The following DDX39B variants were observed in gnomAD, a reference collection of about 807,000 sequenced individuals.
The protein encoded by DDX39B is DExD-box helicase 39B.
Under a neutral mutation model 46.4 loss-of-function variants are expected in DDX39B, and 6 were observed. The observed-to-expected ratio is 0.13, with a 90% confidence interval of 0.07 to 0.26. The LOEUF (loss-of-function observed/expected upper bound fraction) is 0.26. Among genes scored for constraint, DDX39B ranks in the 10% least tolerant of loss-of-function variants. The pLI is 1.00. For missense variants in DDX39B, 185 were observed against 553.4 expected (o/e 0.33, Z 6.68); for synonymous variants, 174 against 199.4 (o/e 0.87, Z 1.07).
In DDX39B at chr6:31,540,610, G is replaced by C; in HGVS notation, c.-78C>G. The C allele has an allele frequency of 2.2e-6, 3 of 1,362,900 alleles. No homozygotes were observed. The highest frequency in any genetic ancestry group is 3.1e-6 in the Non-Finnish European group (3 of 964,754). 84.4% of individuals were successfully genotyped at this position (1,362,900 alleles called of 1,614,324 possible). On this transcript the variant is annotated 5_prime_UTR_variant, in exon 2 of 11. Transcript: ENST00000396172. ...AATAGGTGAAAACAAGGGGTGAAGA[G>C]TAGGGGATTGAGGAACAGCAAAGGA... is the stretch of plus-strand genomic sequence containing the variant.
chr6:31,540,433 C>T lies in DDX39B; in HGVS notation c.100G>A (p.Asp34Asn). The T allele has an allele frequency of 1.2e-6, 2 of 1,614,222 alleles. No homozygotes were observed. Among genetic ancestry groups the T allele is most frequent in the Non-Finnish European group, 1.7e-6 (2 of 1,180,048 alleles). The change falls in exon 2 of 11, where the codon GAT (aspartate) becomes AAT (asparagine). Residue 34 changes from aspartate (D) to asparagine (N), a missense_variant. This residue lies in a region of DDX39B where 30 missense variants were observed against 41.6 expected (regional missense o/e 0.72). Transcript: ENST00000396172. The stretch of plus-strand genomic sequence containing the variant: ...ATGGAGACATAGGAGCCCTTGACAT[C>T]CTTCTTGGCAGGGGCCTCAGCCCCA... ...GDGAEAPAKK[D>N]VKGSYVSIHS...
chr6:31,538,667 A>G (rs1768055340), intron 4 of DDX39B, 96 bp downstream of exon 4: 1 of 1,164,870 alleles, frequency 8.6e-7, no homozygotes, highest in Non-Finnish European at 1.2e-6. Context: ...CAGCAAACTA[A>G]AGCTTCTCCA....
chr6:31,532,987 TG>T (rs1271688670), intron 6 of DDX39B, 76 bp from the exon 7 acceptor site: 1 of 454,436 alleles, frequency 2.2e-6, no homozygotes, highest in African/African-American at 2.1e-5. Context: ...TGGAGGAAGT[TG>T]ATCTCCAATA....
At chr6:31,540,866 A>T (rs1317077245) in intron 1 of DDX39B, 1 of 437,922 alleles carries the variant, frequency 2.3e-6, no homozygotes, top group African/African-American at 2.0e-5. Flanking sequence ...GAGGTTCCCA[A>T]CAAGATTAGC....
Position 31,531,067 on chromosome 6 carries a change from T to C in DDX39B, c.1108A>G (p.Thr370Ala), listed in dbSNP as rs770168629. The stretch of plus-strand genomic sequence containing the variant: ...GTGAGGTTTACCCGATGCAGGTAGG[T>C]GTCAGAATCCTCAGGCATGTCATAA... ...FNYDMPEDSD[T>A]YLHRVARAGR... The change falls in exon 9 of 11, where the codon ACC becomes GCC. Residue 370 changes from threonine to alanine, a missense_variant. Coordinates refer to ENST00000396172, the MANE Select transcript of DDX39B (RefSeq NM_004640.7). This position sits in a 1 kb window ranked among gnomAD's most constrained non-coding sequence, Gnocchi z 5.8. 1 of 1,614,152 alleles carries C rather than the reference T, an allele frequency of 6.2e-7. No homozygotes were observed. The highest frequency in any genetic ancestry group is 8.5e-7 in the Non-Finnish European group (1 of 1,180,030).
intron 3 of DDX39B, 72 bp from the exon 4 acceptor site, chr6:31,538,927 C>T (rs1330418084): frequency 1.3e-6 from 2 of 1,515,406 alleles, no homozygotes; most frequent in Non-Finnish European, 1.8e-6. Context: ...AAGTGACTGT[C>T]ACAAAAACAC....
intron 4 of DDX39B, among the ~76,000 whole-genome samples, chr6:31,537,838 C>T (rs1197690727): frequency 1.3e-5 from 2 of 152,172 alleles, no homozygotes; most frequent in East Asian, 3.9e-4. Context: ...GAGTTCGAGA[C>T]CAGCCTGGCC....
At position 31,535,582 on chromosome 6, in the gene DDX39B, A is replaced by G; in HGVS notation, c.617-97T>C. On this transcript the variant is annotated intron_variant, in intron 5 of 10. Transcript: ENST00000396172. This position sits in a 1 kb window ranked among gnomAD's most constrained non-coding sequence, Gnocchi z 4.6. ...CCCAGTGAGGTGAAGATTGCTGGAA[A>G]TAGTAACAACACAATGGAAAGAGCA... The G allele has an allele frequency of 1.1e-6, 1 of 897,098 alleles. No individual in the cohort carries two copies. Among genetic ancestry groups the G allele is most frequent in the Non-Finnish European group, 1.8e-6 (1 of 561,070 alleles). The allele number at this position is 897,098 out of a possible 1,614,324, so 55.6% of individuals were successfully genotyped here.
At position 31,532,930 on chromosome 6, in the gene DDX39B, G is replaced by T. The variant is rs1278313040; in HGVS notation, c.736-19C>A. On this transcript the variant is annotated intron_variant, in intron 6 of 10. Transcript: ENST00000396172. Reference sequence around the variant, plus strand: ...CCATTGGCTGGGGGGGAGGAAGGGGGTGGGGAACGGGAGGAGGGCAGAGTG... The same window carrying T: ...CCATTGGCTGGGGGGGAGGAAGGGGTTGGGGAACGGGAGGAGGGCAGAGTG... 8 of 1,097,254 alleles carry T rather than the reference G, an allele frequency of 7.3e-6. No homozygotes were observed. The highest frequency in any genetic ancestry group is 1.0e-5 in the Non-Finnish European group (8 of 790,032). 68.0% of individuals were successfully genotyped at this position (1,097,254 alleles called of 1,614,324 possible).
chr6:31,539,071 A>C, intron 3 of DDX39B, 76 bp downstream of exon 3: 1 of 1,611,808 alleles, frequency 6.2e-7, no homozygotes, highest in Non-Finnish European at 8.5e-7. Flanking sequence ...TGCAAGCATC[A>C]TGTAGCTAGG....
At position 31,536,489 on chromosome 6, in the gene DDX39B, C is replaced by T. The variant is rs1195306953; in HGVS notation, c.616+11G>A. On this transcript the variant is annotated intron_variant, in intron 5 of 10. Transcript: ENST00000396172. Reference sequence around the variant, plus strand: ...CCCCAGCATTAGCCAAGCCCCAGCACTGCCACTCACCGAGCTGTTCAAGCA... The same window carrying T: ...CCCCAGCATTAGCCAAGCCCCAGCATTGCCACTCACCGAGCTGTTCAAGCA... The T allele has an allele frequency of 6.2e-7, 1 of 1,613,090 alleles. No individual in the cohort carries two copies. The highest frequency in any genetic ancestry group is 8.5e-7 in the Non-Finnish European group (1 of 1,180,028).
chr6:31,530,957 A>C lies in DDX39B; in HGVS notation c.1123-31T>G. ...GGGAGACAGAGGGTAGCACTGGAAG[A>C]CCGAAGAGGAAAGAGACCCAGAGGC... On this transcript the variant is annotated intron_variant, in intron 9 of 10. Coordinates refer to ENST00000396172, the MANE Select transcript of DDX39B (RefSeq NM_004640.7). This position sits in a 1 kb window ranked among gnomAD's most constrained non-coding sequence, Gnocchi z 4.5. 2 of 1,613,944 alleles carry C rather than the reference A, an allele frequency of 1.2e-6. No individual in the cohort carries two copies. Among genetic ancestry groups the C allele is most frequent in the Non-Finnish European group, 1.7e-6 (2 of 1,179,844 alleles).
intron 1 of DDX39B, chr6:31,541,183 G>GGA (rs1416569113): frequency 1.9e-6 from 1 of 533,506 alleles, no homozygotes; most frequent in African/African-American, 1.9e-5. Flanking sequence ...TATGGCCGCC[G>GGA]TCCACCTCCC....
chr6:31,539,112 C>T (rs762764612), intron 3 of DDX39B, 35 bp downstream of exon 3: 1 of 1,613,318 alleles, frequency 6.2e-7, no homozygotes, highest in Non-Finnish European at 8.5e-7. Context: ...TAGTCCTAAC[C>T]AAAATCCCCT....
intron 5 of DDX39B, 59 bp downstream of exon 5, chr6:31,536,441 T>C: frequency 6.2e-7 from 1 of 1,610,086 alleles, no homozygotes; most frequent in South Asian, 1.1e-5. Context: ...CAAATAAACA[T>C]CATTTGGCTC....
intron 4 of DDX39B, among the ~76,000 whole-genome samples, chr6:31,538,522 C>A (rs746079416): frequency 1.4e-4 from 22 of 152,088 alleles, no homozygotes; most frequent in Non-Finnish European, 3.1e-4. Context: ...CTGCCACATA[C>A]CCCAAAATTA....
rs144802800 is a variant in DDX39B, at chr6:31,531,625, G to A, written c.868-220C>T. 0.069 allele frequency: 38,182 copies of A among 551,938 alleles called. 1,971 individuals carry two copies. Among genetic ancestry groups the A allele is most frequent in the Admixed American group, 0.15 (4,370 of 29,330 alleles). The allele number at this position is 551,938 out of a possible 1,614,324, so 34.2% of individuals were successfully genotyped here. A position where few individuals can be genotyped will look rare whatever the true frequency, so the allele number is the denominator to read the frequency against. On this transcript the variant is annotated intron_variant, in intron 7 of 10. Transcript: ENST00000396172. The surrounding 1 kb of genome is among the most constrained non-coding windows in gnomAD (Gnocchi z 5.8). ...GGAAGCTGGCCTCTGAGGTAGCACA[G>A]AGTTCAGAAATCAAAATTGCCAGAC... is the stretch of plus-strand genomic sequence containing the variant.
intron 1 of DDX39B, chr6:31,541,719 C>G: frequency 1.7e-6 from 1 of 581,650 alleles, no homozygotes; most frequent in Non-Finnish European, 3.3e-6. Flanking sequence ...GGGAGCAAAA[C>G]GAACACAATG....
chr6:31,538,757 G>A lies in DDX39B; in HGVS notation c.432+6C>T. The A allele has an allele frequency of 6.2e-7, 1 of 1,610,802 alleles. No individual in the cohort carries two copies. The highest frequency in any genetic ancestry group is 8.5e-7 in the Non-Finnish European group (1 of 1,178,654). Reference sequence around the variant, plus strand: ...CTCACTCTCAGGTCTCTTTACCTTGGCTTACCTTGACATTGGGCATGTATT... The same window carrying A: ...CTCACTCTCAGGTCTCTTTACCTTGACTTACCTTGACATTGGGCATGTATT... On this transcript the variant is annotated splice_donor_region_variant and intron_variant, in intron 4 of 10. Transcript: ENST00000396172.
Sources: gnomAD v4.1 joint callset for allele counts (sites outside exome capture counted in the v4.1 genomes callset) on GRCh38, gnomAD v4.1.1 for gene constraint, gnomAD v4.1.1 regional missense constraint, Gnocchi (gnomAD v3.1) non-coding constraint, MANE v1.5 for transcripts, NCBI Gene and HGNC (gene_info 2026-07-23, HGNC 2026-07-21) for gene names.